The following SLC35F3 variants were observed in gnomAD, a reference collection of about 807,000 sequenced individuals.
SLC35F3 encodes the protein putative thiamine transporter SLC35F3.
A neutral mutation model predicts 49.9 loss-of-function variants in SLC35F3; 25 were observed. That is an observed-to-expected ratio of 0.50 (90% CI 0.37 to 0.70). The LOEUF (loss-of-function observed/expected upper bound fraction) is 0.70, where lower values mean the gene tolerates loss of function less well. Ranked by LOEUF, SLC35F3 falls within the 30% of genes least tolerant of loss-of-function variation. The probability of loss-of-function intolerance (pLI) is 0.00; values close to 1 mark genes in which losing one functional copy is unlikely to be tolerated. For synonymous variants in SLC35F3, 275 were observed against 265.4 expected, an observed-to-expected ratio of 1.04 and a Z score of -0.35; for missense variants, 525 against 639.8, an observed-to-expected ratio of 0.82 and a Z score of 1.94.
chr1:234,139,978 A>AT (rs1553308911), intron 2 of SLC35F3, among the ~76,000 whole-genome samples: 11 of 139,126 alleles, frequency 7.9e-5, no homozygotes, highest in Non-Finnish European at 1.5e-4. Flanking sequence ...ATAAAATAAA[A>AT]TAAAATAAAA....
intron 2 of SLC35F3, among the ~76,000 whole-genome samples, chr1:234,121,011 G>A (rs1411109338): frequency 6.6e-6 from 1 of 151,512 alleles, no homozygotes; most frequent in African/African-American, 2.4e-5. Context: ...AAAAATCTTA[G>A]GAACAAACTT....
intron 2 of SLC35F3, among the ~76,000 whole-genome samples, chr1:234,105,090 T>C (rs1351316574): frequency 6.8e-6 from 1 of 146,922 alleles, no homozygotes; most frequent in Non-Finnish European, 1.5e-5. Flanking sequence ...ATCGTGCCAC[T>C]GCACTCTGGC....
chr1:234,146,247 T>C (rs1292693858), intron 2 of SLC35F3, among the ~76,000 whole-genome samples: 1 of 152,102 alleles, frequency 6.6e-6, no homozygotes, highest in Admixed American at 6.5e-5. Flanking sequence ...AATATAACTA[T>C]CACTAAACTT....
At chr1:234,003,943 G>A (rs142460086) in intron 2 of SLC35F3, among the ~76,000 whole-genome samples, 3 of 152,254 alleles carry the variant, frequency 2.0e-5, no homozygotes, top group African/African-American at 4.8e-5. Context: ...ATTTAGCAGT[G>A]TGATAATATG....
intron 2 of SLC35F3, among the ~76,000 whole-genome samples, chr1:233,948,269 G>C (rs1662548967): frequency 6.6e-6 from 1 of 150,658 alleles, no homozygotes. Flanking sequence ...GTGTGAATGT[G>C]TAGCAAGATG....
At chr1:234,301,138 T>TA (rs1486300071) in intron 3 of SLC35F3, among the ~76,000 whole-genome samples, 1 of 152,166 alleles carries the variant, frequency 6.6e-6, no homozygotes, top group Non-Finnish European at 1.5e-5. Flanking sequence ...TCAGATTTTT[T>TA]AAAGTGTCCT....
intron 4 of SLC35F3, among the ~76,000 whole-genome samples, chr1:234,313,950 A>G (rs1350755796): frequency 6.6e-6 from 1 of 152,226 alleles, no homozygotes; most frequent in African/African-American, 2.4e-5. Context: ...TCCCAAAGGC[A>G]CAGGGCACGT....
rs1657679429 is a variant in SLC35F3, at chr1:234,323,384, TG to T, written c.*142del. ...ATGGTATTTATTGGCATGTCCAATT[TG>T]CTTGCACTTTTCCACATCAGACCTT... On this transcript the variant is annotated 3_prime_UTR_variant, in exon 8 of 8. Transcript: ENST00000366618. This position sits in a 1 kb window ranked among gnomAD's most constrained non-coding sequence, Gnocchi z 4.5. 2 of 682,698 alleles carry T rather than the reference TG, an allele frequency of 2.9e-6. No homozygotes were observed. Among genetic ancestry groups the T allele is most frequent in the Admixed American group, 5.7e-5 (2 of 34,964 alleles). 42.3% of individuals were successfully genotyped at this position (682,698 alleles called of 1,614,324 possible).
intron 2 of SLC35F3, among the ~76,000 whole-genome samples, chr1:234,074,209 A>G (rs534412350): frequency 6.6e-6 from 1 of 152,268 alleles, no homozygotes; most frequent in Non-Finnish European, 1.5e-5. Flanking sequence ...CACGGGTCAC[A>G]TGGCTGGTCA....
intron 2 of SLC35F3, among the ~76,000 whole-genome samples, chr1:233,906,979 TGCTA>T (rs1661787757): frequency 6.6e-6 from 1 of 152,218 alleles, no homozygotes; most frequent in Non-Finnish European, 1.5e-5. Context: ...TTGCCTCTGC[TGCTA>T]AAATTGTAGC....
intron 3 of SLC35F3, among the ~76,000 whole-genome samples, chr1:234,303,225 G>C (rs973836129): frequency 3.9e-5 from 6 of 152,028 alleles, no homozygotes; most frequent in Non-Finnish European, 8.8e-5. Context: ...CATTTCTCCT[G>C]CCAACAATAT....
In SLC35F3 at chr1:234,006,385, G is replaced by A. The variant is rs528029305; in HGVS notation, c.283+100627G>A. Among the ~76,000 whole-genome samples the A allele has an allele frequency of 3.3e-5, 5 of 152,216 alleles. No individual in the cohort carries two copies. In the South Asian group the frequency reaches 6.2e-4, roughly 19 times the overall value. ...TTTATTTTGCTTCACCAATTGCATA[G>A]CCACCAAGAGCAATCTTTGGTTACC... On this transcript the variant is annotated intron_variant, in intron 2 of 7. Coordinates refer to ENST00000366618, the MANE Select transcript of SLC35F3 (RefSeq NM_173508.4).
At chr1:234,220,294 G>A (rs886199212) in intron 2 of SLC35F3, among the ~76,000 whole-genome samples, 1 of 147,232 alleles carries the variant, frequency 6.8e-6, no homozygotes, top group Admixed American at 6.7e-5. Context: ...CATTTCAGGG[G>A]TGTGTGTGTG....
intron 2 of SLC35F3, among the ~76,000 whole-genome samples, chr1:234,178,489 A>G (rs981687103): frequency 2.6e-5 from 4 of 151,516 alleles, no homozygotes; most frequent in Non-Finnish European, 5.9e-5. Context: ...TTTTTAGAAC[A>G]GTTTTAGGTT....
chr1:234,318,165 C>T (rs1356793463), intron 5 of SLC35F3, among the ~76,000 whole-genome samples: 1 of 152,194 alleles, frequency 6.6e-6, no homozygotes, highest in African/African-American at 2.4e-5. Flanking sequence ...CTGGCCACTC[C>T]CATCACATTC....
rs1657680677 is a variant in SLC35F3 at position 234,323,435 on chromosome 1, C to T, written c.*192C>T. 3.4e-6 allele frequency: 2 copies of T among 588,710 alleles called. No individual in the cohort carries two copies. Among genetic ancestry groups the T allele is most frequent in the South Asian group, 2.2e-5 (1 of 46,410 alleles). 36.5% of individuals were successfully genotyped at this position (588,710 alleles called of 1,614,324 possible). ...TCCACTTAAGGGTACCAATTCAATA[C>T]AAAAGAGAAAAGAAGAACCTCTCAG... On this transcript the variant is annotated 3_prime_UTR_variant, in exon 8 of 8. Transcript: ENST00000366618. The surrounding 1 kb of genome is among the most constrained non-coding windows in gnomAD (Gnocchi z 4.5).
chr1:234,222,682 G>A (rs1460014971), intron 2 of SLC35F3, among the ~76,000 whole-genome samples: 2 of 152,170 alleles, frequency 1.3e-5, no homozygotes, highest in Non-Finnish European at 1.5e-5. Flanking sequence ...TTGCCTGGAG[G>A]TACTGTCCTG....
chr1:234,265,614 C>T (rs1404139339), intron 3 of SLC35F3, among the ~76,000 whole-genome samples: 1 of 152,124 alleles, frequency 6.6e-6, no homozygotes, highest in Non-Finnish European at 1.5e-5. Flanking sequence ...ACGAAGACAT[C>T]ATTCTCTCCC....
At chr1:233,924,482 G>T (rs1662123449) in intron 2 of SLC35F3, among the ~76,000 whole-genome samples, 1 of 152,188 alleles carries the variant, frequency 6.6e-6, no homozygotes, top group Admixed American at 6.5e-5. Context: ...TGTGGGATCG[G>T]TGGTGATATC....
Sources: gnomAD v4.1 joint callset for allele counts (sites outside exome capture counted in the v4.1 genomes callset) on GRCh38, gnomAD v4.1.1 for gene constraint, Gnocchi (gnomAD v3.1) non-coding constraint, MANE v1.5 for transcripts, NCBI Gene and HGNC (gene_info 2026-07-23, HGNC 2026-07-21) for gene names.